Variants in YEATS2 observed in about 807,000 individuals in gnomAD.
YEATS2 encodes the protein YEATS domain-containing protein 2.
Under a neutral mutation model 163.2 loss-of-function variants are expected in YEATS2, and 77 were observed. The observed-to-expected ratio is 0.47, with a 90% CI of 0.39 to 0.57. YEATS2 has a LOEUF of 0.57. Ranked by LOEUF, YEATS2 falls within the 20% of genes least tolerant of loss-of-function variation. The probability of loss-of-function intolerance (pLI) is 0.00; values close to 1 mark genes in which losing one functional copy is unlikely to be tolerated. For missense variants in YEATS2, 1,549 were observed against 1,729.8 expected (o/e 0.90, Z 1.85); for synonymous variants, 631 against 645.1 (o/e 0.98, Z 0.33).
intron 13 of YEATS2, 51 bp from the exon 14 acceptor site, chr3:183,761,456 T>A (rs2109347156): frequency 6.8e-7 from 1 of 1,475,478 alleles, no homozygotes; most frequent in East Asian, 2.3e-5. Context: ...ACTAGATATC[T>A]GAAATCACCC....
intron 21 of YEATS2, 63 bp from the exon 22 acceptor site, chr3:183,797,860 G>A (rs1242305774): frequency 6.2e-7 from 1 of 1,605,792 alleles, no homozygotes; most frequent in South Asian, 1.1e-5. Flanking sequence ...GTAGCACAGA[G>A]GATAAGAGAC....
At chr3:183,733,102 A>C (rs931127157) in intron 7 of YEATS2, among the ~76,000 whole-genome samples, 1 of 152,234 alleles carries the variant, frequency 6.6e-6, no homozygotes, top group Admixed American at 6.5e-5. Context: ...AAGTGCTGGG[A>C]TTACAGGCGT....
rs184178882 is a variant in YEATS2, at chr3:183,807,488, C to T, written c.4011+396C>T. The T allele has an allele frequency of 3.0e-4, 81 of 271,186 alleles. 1 individual carries two copies. The highest frequency in any genetic ancestry group is 1.3e-3 in the African/African-American group (58 of 44,958). The allele number at this position is 271,186 out of a possible 1,614,324, so 16.8% of individuals were successfully genotyped here. Reference sequence around the variant, plus strand: ...GTTGCACGTCAGCGCGTAATCCTCCCCTGATGTGTTGATAGCTCCTGAGTG... The same window carrying T: ...GTTGCACGTCAGCGCGTAATCCTCCTCTGATGTGTTGATAGCTCCTGAGTG... On this transcript the variant is annotated intron_variant, in intron 28 of 30. Transcript: ENST00000305135.
Position 183,754,152 on chromosome 3 carries a change from C to G in YEATS2, c.1177C>G (p.Arg393Gly). ...KGFPASTEAERHTPFYALPSS... is the reference protein window; with the variant it reads ...KGFPASTEAEGHTPFYALPSS... The stretch of plus-strand genomic sequence containing the variant: ...ATTCCCAGCTAGCACTGAAGCTGAA[C>G]GACACACTCCGTTTTATGCTTTGCC... The change falls in exon 11 of 31, where the codon CGA becomes GGA. Residue 393 changes from arginine to glycine, a missense_variant. Transcript: ENST00000305135. 1 of 1,595,520 alleles carries G rather than the reference C, an allele frequency of 6.3e-7. No homozygotes were observed. The highest frequency in any genetic ancestry group is 8.6e-7 in the Non-Finnish European group (1 of 1,166,032).
At position 183,756,507 on chromosome 3, in the gene YEATS2, TC is replaced by T; in HGVS notation, c.1391-20del. On this transcript the variant is annotated intron_variant, in intron 11 of 30. Coordinates refer to ENST00000305135, the MANE Select transcript of YEATS2 (RefSeq NM_018023.5). ...TTGAATATGTGTATTTTGTTTGTAT[TC>T]TCTCTTTTTAATTAATAAGGTTCCC... 1 of 1,529,038 alleles carries T rather than the reference TC, an allele frequency of 6.5e-7. No homozygotes were observed. The highest frequency in any genetic ancestry group is 8.8e-7 in the Non-Finnish European group (1 of 1,138,680). The allele number at this position is 1,529,038 out of a possible 1,614,324, so 94.7% of individuals were successfully genotyped here. A position where few individuals can be genotyped will look rare whatever the true frequency, so the allele number is the denominator to read the frequency against.
intron 6 of YEATS2, among the ~76,000 whole-genome samples, chr3:183,724,844 A>G (rs759758098): frequency 6.6e-5 from 10 of 152,094 alleles, no homozygotes; most frequent in Non-Finnish European, 1.3e-4. Context: ...CCCGGGTTCA[A>G]GCGATTCTCC....
rs1726730341 is a variant in YEATS2 at position 183,810,771 on chromosome 3, G to A, written c.*188G>A. On this transcript the variant is annotated 3_prime_UTR_variant, in exon 31 of 31. Coordinates refer to ENST00000305135, the MANE Select transcript of YEATS2 (RefSeq NM_018023.5). Reference sequence around the variant, plus strand: ...TCCAGATGAAATCCTCCTAGGACAGGAGTTTGTTTCCTGAGTGTGGAGTGA... The same window carrying A: ...TCCAGATGAAATCCTCCTAGGACAGAAGTTTGTTTCCTGAGTGTGGAGTGA... 1.0e-5 allele frequency: 6 copies of A among 575,130 alleles called. No individual in the cohort carries two copies. Among genetic ancestry groups the A allele is most frequent in the South Asian group, 2.0e-5 (1 of 50,434 alleles). 35.6% of individuals were successfully genotyped at this position (575,130 alleles called of 1,614,324 possible). A position where few individuals can be genotyped will look rare whatever the true frequency, so the allele number is the denominator to read the frequency against.
intron 7 of YEATS2, among the ~76,000 whole-genome samples, chr3:183,731,701 T>C (rs1013129479): frequency 1.3e-5 from 2 of 152,234 alleles, no homozygotes; most frequent in African/African-American, 4.8e-5. Context: ...TTCTCTTTCA[T>C]CCTGGACATC....
chr3:183,715,540 A>G (rs1715761031), intron 2 of YEATS2, among the ~76,000 whole-genome samples: 1 of 152,190 alleles, frequency 6.6e-6, no homozygotes. Flanking sequence ...AAAGTCTATG[A>G]TATGTATAAA....
chr3:183,798,616 A>G (rs940556067), intron 22 of YEATS2, among the ~76,000 whole-genome samples: 6 of 152,152 alleles, frequency 3.9e-5, no homozygotes, highest in Non-Finnish European at 7.4e-5. Flanking sequence ...AGTCCCCCAA[A>G]GTGCTGGGAT....
intron 10 of YEATS2, among the ~76,000 whole-genome samples, chr3:183,753,376 T>C (rs1390270441): frequency 1.3e-5 from 2 of 152,226 alleles, no homozygotes; most frequent in African/African-American, 4.8e-5. Flanking sequence ...ATGTGGTTAG[T>C]ATTATAGTTC....
intron 1 of YEATS2, among the ~76,000 whole-genome samples, chr3:183,702,872 A>C (rs1291931113): frequency 6.6e-6 from 1 of 151,830 alleles, no homozygotes; most frequent in East Asian, 1.9e-4. Context: ...ACCTAAAGTC[A>C]GCTTTCCAGG....
At position 183,810,654 on chromosome 3, in the gene YEATS2, C is replaced by T. The variant is rs263024; in HGVS notation, c.*71C>T. ...AGCTGTAACTGAGGACCCTGCTGCTCGGGAAGGAGGTGGTTTCCAGTGTGA... is the reference window on the plus strand; with the variant it reads ...AGCTGTAACTGAGGACCCTGCTGCTTGGGAAGGAGGTGGTTTCCAGTGTGA... On this transcript the variant is annotated 3_prime_UTR_variant, in exon 31 of 31. Coordinates refer to ENST00000305135, the MANE Select transcript of YEATS2 (RefSeq NM_018023.5). 651,138 of 1,432,338 alleles carry T rather than the reference C, an allele frequency of 0.45. 149,238 individuals carry two copies. Among genetic ancestry groups the T allele is most frequent in the Middle Eastern group, 0.57 (3,263 of 5,704 alleles). The allele number at this position is 1,432,338 out of a possible 1,614,324, so 88.7% of individuals were successfully genotyped here.
intron 2 of YEATS2, among the ~76,000 whole-genome samples, chr3:183,716,103 G>C (rs1715839624): frequency 6.6e-6 from 1 of 151,964 alleles, no homozygotes; most frequent in Non-Finnish European, 1.5e-5. Context: ...GGGACTACAG[G>C]CACCCGCCAC....
At chr3:183,783,085 T>C (rs1723734038) in intron 19 of YEATS2, among the ~76,000 whole-genome samples, 1 of 152,262 alleles carries the variant, frequency 6.6e-6, no homozygotes. Context: ...ATGCAAATTA[T>C]GCCATGGCTA....
chr3:183,772,317 C>T lies in YEATS2; in HGVS notation c.1960C>T (p.Pro654Ser). The part of the protein sequence containing the change: ...KVQPSKVVGV[P>S]VGSALPSTVK... ...CTGTTTTGAACAGGTTGTCGGGGTA[C>T]CAGTTGGGTCTGCTTTACCTTCAAC... The change falls in exon 16 of 31, where the codon CCA becomes TCA. Residue 654 changes from proline (P) to serine (S), a missense_variant. By Grantham distance (74) the Pro-to-Ser change is moderately conservative (BLOSUM62 -1). Coordinates refer to ENST00000305135, the MANE Select transcript of YEATS2 (RefSeq NM_018023.5). 1 of 1,613,890 alleles carries T rather than the reference C, an allele frequency of 6.2e-7. No homozygotes were observed. The highest frequency in any genetic ancestry group is 8.5e-7 in the Non-Finnish European group (1 of 1,180,030).
At chr3:183,757,555 C>T (rs1319372399) in intron 12 of YEATS2, among the ~76,000 whole-genome samples, 3 of 152,172 alleles carry the variant, frequency 2.0e-5, no homozygotes, top group Non-Finnish European at 2.9e-5. Context: ...GCTGGATTTA[C>T]AGGCGTGAGC....
intron 9 of YEATS2, among the ~76,000 whole-genome samples, chr3:183,750,970 A>G (rs145731133): frequency 9.2e-5 from 14 of 152,166 alleles, no homozygotes; most frequent in South Asian, 6.2e-4. Flanking sequence ...CCGTTTGTCT[A>G]TTTTTTATTT....
intron 7 of YEATS2, among the ~76,000 whole-genome samples, chr3:183,731,700 A>C (rs1185319563): frequency 6.6e-6 from 1 of 152,208 alleles, no homozygotes; most frequent in Non-Finnish European, 1.5e-5. Flanking sequence ...TTTCTCTTTC[A>C]TCCTGGACAT....
Sources: allele counts gnomAD v4.1 joint callset (sites outside exome capture counted in the v4.1 genomes callset), GRCh38; gene constraint gnomAD v4.1.1; transcripts MANE v1.5; gene names NCBI Gene and HGNC (gene_info 2026-07-23, HGNC 2026-07-21).